The following SPDYE5 variants were observed in gnomAD, a reference collection of about 807,000 sequenced individuals.
SPDYE5 encodes the protein speedy protein E5.
Under a neutral mutation model 48.5 loss-of-function variants are expected in SPDYE5, and 15 were observed. That is an observed-to-expected ratio of 0.31 (90% CI 0.21 to 0.48). The LOEUF is 0.48. Among genes scored for constraint, SPDYE5 ranks in the 20% least tolerant of loss-of-function variants. The pLI, the probability that SPDYE5 is intolerant of heterozygous loss-of-function variation, is 0.99. For missense variants in SPDYE5, 331 were observed against 549.1 expected (o/e 0.60, Z 3.97); for synonymous variants, 116 against 200.7 (o/e 0.58, Z 3.57).
chr7:75,503,123 C>A lies in SPDYE5; in HGVS notation c.*336C>A. 6.3e-6 allele frequency: 3 copies of A among 473,138 alleles called. No homozygotes were observed. Among genetic ancestry groups the A allele is most frequent in the East Asian group, 6.5e-5 (1 of 15,306 alleles). The allele number at this position is 473,138 out of a possible 1,614,324, so 29.3% of individuals were successfully genotyped here. A position where few individuals can be genotyped will look rare whatever the true frequency, so the allele number is the denominator to read the frequency against. On this transcript the variant is annotated 3_prime_UTR_variant, in exon 9 of 9. Transcript: ENST00000625065. Reference sequence around the variant, plus strand: ...CCTTTCTATATTGCTGAATTCCAACCTCCCTGGGGCGGAACCTGGAGGTCC... The same window carrying A: ...CCTTTCTATATTGCTGAATTCCAACATCCCTGGGGCGGAACCTGGAGGTCC...
chr7:75,497,851 CG>C, intron 4 of SPDYE5, 86 bp from the exon 5 acceptor site: 1 of 1,233,394 alleles, frequency 8.1e-7, no homozygotes, highest in Non-Finnish European at 1.2e-6. Flanking sequence ...GACTTCCCCC[CG>C]GGAGGCACAC....
Position 75,503,979 on chromosome 7 carries a change from A to G in SPDYE5, c.*1192A>G, listed in dbSNP as rs1554484003. The G allele has an allele frequency of 6.6e-6, 1 of 151,956 alleles. No homozygotes were observed. Among genetic ancestry groups the G allele is most frequent in the Admixed American group, 6.6e-5 (1 of 15,236 alleles). 9.4% of individuals were successfully genotyped at this position (151,956 alleles called of 1,614,324 possible). ...GGATTCTTTTCATCCTAAATCTTTT[A>G]CCTTTCAATCTTTGTATCTATTATT... is the stretch of plus-strand genomic sequence containing the variant. On this transcript the variant is annotated 3_prime_UTR_variant, in exon 9 of 9. Transcript: ENST00000625065.
rs372781121 is a variant in SPDYE5, at chr7:75,501,389, C to T, written c.783C>T (p.Asp261=). The T allele has an allele frequency of 4.2e-5, 67 of 1,612,336 alleles. 1 individual carries two copies. Among genetic ancestry groups the T allele is most frequent in the South Asian group, 2.7e-4 (25 of 90,982 alleles). ...ACCTGGCCAATGACATGGAGGAGGACGACGAGGACTCCAAACAAAACATCT... is the reference window on the plus strand; with the variant it reads ...ACCTGGCCAATGACATGGAGGAGGATGACGAGGACTCCAAACAAAACATCT... ...ALYLANDMEE[D]DEDSKQNIFH... is the part of the protein sequence containing the mutation. Residue 261 remains aspartate (D), a synonymous_variant, in exon 7 of 9, where the codon GAC becomes GAT. Coordinates refer to ENST00000625065, the MANE Select transcript of SPDYE5 (RefSeq NM_001306141.4).
chr7:75,501,755 G>C lies in SPDYE5; in HGVS notation c.1149G>C (p.Glu383Asp), dbSNP rs782331811. ...RAWVSPEELE[E>D]IQAYDPEHWV... ...GGGTTTCCCCGGAGGAGTTGGAGGA[G>C]GTAGGTGGGGCCTGGGGAGGTGGAG... The change falls in exon 7 of 9, where the codon GAG becomes GAC. Residue 383 changes from glutamate (E) to aspartate (D), a missense_variant and splice_region_variant. Glu to Asp is a conservative substitution (Grantham distance 45). This residue lies in a region of SPDYE5 where 101 missense variants were observed against 104.0 expected (regional missense o/e 0.97). Coordinates refer to ENST00000625065, the MANE Select transcript of SPDYE5 (RefSeq NM_001306141.4). The C allele has an allele frequency of 1.6e-5, 26 of 1,611,352 alleles. No homozygotes were observed. In the East Asian group the frequency reaches 4.7e-4, roughly 29 times the overall value.
chr7:75,503,814 A>G lies in SPDYE5; in HGVS notation c.*1027A>G, dbSNP rs1403148085. On this transcript the variant is annotated 3_prime_UTR_variant, in exon 9 of 9. Coordinates refer to ENST00000625065, the MANE Select transcript of SPDYE5 (RefSeq NM_001306141.4). ...ATATTTATTAAATATATTTATTTAA[A>G]TATTATTACTTGAAATATTATTTTA... 2 of 150,060 alleles carry G rather than the reference A, an allele frequency of 1.3e-5. No individual in the cohort carries two copies. Among genetic ancestry groups the G allele is most frequent in the African/African-American group, 4.9e-5 (2 of 41,138 alleles). The allele number at this position is 150,060 out of a possible 1,614,324, so 9.3% of individuals were successfully genotyped here. A position where few individuals can be genotyped will look rare whatever the true frequency, so the allele number is the denominator to read the frequency against.
intron 6 of SPDYE5, 111 bp from the exon 7 acceptor site, chr7:75,501,251 T>C: frequency 6.7e-7 from 1 of 1,497,858 alleles, no homozygotes; most frequent in South Asian, 1.2e-5. Flanking sequence ...GCAGGGTGGG[T>C]GCCAGTCCTG....
Position 75,501,639 on chromosome 7 carries a change from A to G in SPDYE5, c.1033A>G (p.Met345Val), listed in dbSNP as rs587677538. 1.2e-6 allele frequency: 2 copies of G among 1,613,718 alleles called. No homozygotes were observed. Among genetic ancestry groups the G allele is most frequent in the South Asian group, 1.1e-5 (1 of 91,058 alleles). ...GCGTCGGTTCCAGTTAGGCCGTTCC[A>G]TGAACCTGAGGGCCAGGAAGAACCG... ...RKRRFQLGRS[M>V]NLRARKNRSQ... Residue 345 changes from methionine (M) to valine (V), a missense_variant, in exon 7 of 9, where the codon ATG becomes GTG. Met to Val is a conservative substitution (Grantham distance 21). This residue lies in a region of SPDYE5 where 101 missense variants were observed against 104.0 expected (regional missense o/e 0.97). Transcript: ENST00000625065.
At chr7:75,500,749 C>T (rs2116622668) in intron 6 of SPDYE5, among the ~76,000 whole-genome samples, 1 of 152,314 alleles carries the variant, frequency 6.6e-6, no homozygotes, top group Non-Finnish European at 1.5e-5. Flanking sequence ...TGCTCTGCCT[C>T]TCAGGCTGGA....
upstream of SPDYE5, among the ~76,000 whole-genome samples, chr7:75,491,979 T>C (rs1266891979): frequency 2.6e-5 from 4 of 151,854 alleles, no homozygotes; most frequent in Admixed American, 6.6e-5. Flanking sequence ...CTTCTTAAAG[T>C]GGTAGGATTA....
Position 75,494,146 on chromosome 7 carries a change from G to C in SPDYE5, c.99G>C (p.Gln33His). ...QPQPQNEQSP[Q>H]RSTSGYPLQE... ...AACCCCAGAATGAGCAGAGTCCCCA[G>C]CGGAGCACCTCGGGGTACCCCCTCC... Residue 33 changes from glutamine to histidine, a missense_variant, in exon 2 of 9, where the codon CAG becomes CAC. Gln to His is a conservative substitution (Grantham distance 24). This residue lies in a region of SPDYE5 where 67 missense variants were observed against 55.7 expected (regional missense o/e 1.20). Transcript: ENST00000625065. The C allele has an allele frequency of 6.5e-7, 1 of 1,535,376 alleles. No homozygotes were observed. The highest frequency in any genetic ancestry group is 8.7e-7 in the Non-Finnish European group (1 of 1,146,848).
chr7:75,503,180 G>C lies in SPDYE5; in HGVS notation c.*393G>C, dbSNP rs1449188436. 5.2e-6 allele frequency: 2 copies of C among 382,482 alleles called. No homozygotes were observed. The highest frequency in any genetic ancestry group is 4.2e-5 in the African/African-American group (2 of 47,322). 23.7% of individuals were successfully genotyped at this position (382,482 alleles called of 1,614,324 possible). A position where few individuals can be genotyped will look rare whatever the true frequency, so the allele number is the denominator to read the frequency against. ...TTATGGACTTGGTTACCACAGTCCA[G>C]AAGCATTTGAAGGCACAATGCAGGG... On this transcript the variant is annotated 3_prime_UTR_variant, in exon 9 of 9. Coordinates refer to ENST00000625065, the MANE Select transcript of SPDYE5 (RefSeq NM_001306141.4).
intron 1 of SPDYE5, among the ~76,000 whole-genome samples, chr7:75,492,955 C>G (rs1792790179): frequency 6.6e-6 from 1 of 152,098 alleles, no homozygotes; most frequent in South Asian, 2.1e-4. Context: ...GCCACCACAC[C>G]TGGCTAATTT....
At chr7:75,498,069 C>T in intron 5 of SPDYE5, 73 bp downstream of exon 5, 1 of 1,566,252 alleles carries the variant, frequency 6.4e-7, no homozygotes, top group Non-Finnish European at 8.6e-7. Flanking sequence ...TCCAAACCCA[C>T]AGTTCTCCCT....
upstream of SPDYE5, among the ~76,000 whole-genome samples, chr7:75,491,702 ATTTTTTTTTTT>A (rs782071463): frequency 5.1e-3 from 362 of 70,938 alleles, 3 homozygotes; most frequent in Middle Eastern, 9.6e-3. Context: ...CTGTTTAGCC[ATTTTTTTTTTT>A]TTTTTTTTTT....
chr7:75,497,100 C>G (rs587725899), intron 4 of SPDYE5, among the ~76,000 whole-genome samples, 196 bp downstream of exon 4: 1 of 152,140 alleles, frequency 6.6e-6, no homozygotes, highest in African/African-American at 2.4e-5. Context: ...AAGGTCAGCG[C>G]TTGGGATAAG....
chr7:75,491,701 CATTTTTTTTTTT>C (rs1792739825), upstream of SPDYE5, among the ~76,000 whole-genome samples: 1 of 114,076 alleles, frequency 8.8e-6, no homozygotes, highest in African/African-American at 3.0e-5. Context: ...GCTGTTTAGC[CATTTTTTTTTTT>C]TTTTTTTTTT....
upstream of SPDYE5, among the ~76,000 whole-genome samples, chr7:75,492,238 T>C (rs1792759857): frequency 2.0e-5 from 3 of 152,154 alleles, no homozygotes; most frequent in Admixed American, 2.0e-4. Flanking sequence ...GCAAACGATT[T>C]TGTTGTAGAA....
At position 75,503,229 on chromosome 7, in the gene SPDYE5, C is replaced by T. The variant is rs2868114; in HGVS notation, c.*442C>T. ...GGGCTCAGATTGGCACAGATTTCTT[C>T]TGTGAAATATCAGTGCCACAGATTG... On this transcript the variant is annotated 3_prime_UTR_variant, in exon 9 of 9. Transcript: ENST00000625065. 5.9e-5 allele frequency: 20 copies of T among 337,002 alleles called. No individual in the cohort carries two copies. Among genetic ancestry groups the T allele is most frequent in the Non-Finnish European group, 8.6e-5 (15 of 173,882 alleles). The allele number at this position is 337,002 out of a possible 1,614,324, so 20.9% of individuals were successfully genotyped here.
chr7:75,491,763 A>G (rs1302732130), upstream of SPDYE5, among the ~76,000 whole-genome samples: 4 of 116,460 alleles, frequency 3.4e-5, no homozygotes, highest in Admixed American at 5.2e-4. Flanking sequence ...CCCAGGCTGG[A>G]GTGCAGTGAT....
Sources: allele counts gnomAD v4.1 joint callset (sites outside exome capture counted in the v4.1 genomes callset), GRCh38; gene constraint gnomAD v4.1.1; regional missense constraint gnomAD v4.1.1; transcripts MANE v1.5; gene names NCBI Gene and HGNC (gene_info 2026-07-23, HGNC 2026-07-21).